Variants in GALNT9 observed in about 807,000 individuals in gnomAD.
GALNT9 encodes polypeptide N-acetylgalactosaminyltransferase 9.
In GALNT9, 47 loss-of-function variants were observed where a neutral mutation model predicts 63.1. That is an observed-to-expected ratio of 0.75 (90% CI 0.59 to 0.95). GALNT9 has a LOEUF of 0.95. Ranked by LOEUF, GALNT9 falls within the 40% of genes least tolerant of loss-of-function variation. The probability of loss-of-function intolerance (pLI) is 0.00; values close to 1 mark genes in which losing one functional copy is unlikely to be tolerated. For synonymous variants in GALNT9, 396 were observed against 365.7 expected, an observed-to-expected ratio of 1.08 and a Z score of -0.94; for missense variants, 829 against 874.8, an observed-to-expected ratio of 0.95 and a Z score of 0.66.
chr12:132,269,598 T>A (rs1879791326), intron 2 of GALNT9, among the ~76,000 whole-genome samples: 1 of 152,172 alleles, frequency 6.6e-6, no homozygotes, highest in Non-Finnish European at 1.5e-5. Flanking sequence ...GCTGGGCCCA[T>A]GGTCAGACAT....
chr12:132,328,854 C>T, intron 1 of GALNT9, 112 bp downstream of exon 1: 1 of 1,280,368 alleles, frequency 7.8e-7, no homozygotes, highest in Non-Finnish European at 1.0e-6. Context: ...TATATTCCCT[C>T]CCACAGGGGC....
chr12:132,265,589 C>A lies in GALNT9; in HGVS notation c.420-2964G>T, dbSNP rs891283709. Among the ~76,000 whole-genome samples the A allele has an allele frequency of 6.6e-6, 1 of 152,206 alleles. No individual in the cohort carries two copies. The highest frequency in any genetic ancestry group is 2.4e-5 in the African/African-American group (1 of 41,454). On this transcript the variant is annotated intron_variant, in intron 2 of 10. Transcript: ENST00000328957. The surrounding 1 kb of genome is among the most constrained non-coding windows in gnomAD (Gnocchi z 5.3). Reference sequence around the variant, plus strand: ...TGAAGCCCCCGGGCCCCTTTTGCAGCAGGCTTCGCAAGGTAAGCAGCCCCA... The same window carrying A: ...TGAAGCCCCCGGGCCCCTTTTGCAGAAGGCTTCGCAAGGTAAGCAGCCCCA...
chr12:132,296,450 T>A lies in GALNT9; in HGVS notation c.239-10020A>T, dbSNP rs747169987. ...TGGGCTGCGTGATATCAATCCCAAG[T>A]TTTCCTCTTTGAAATCCCAGCTTCC... On this transcript the variant is annotated intron_variant, in intron 1 of 10. Transcript: ENST00000328957. This position sits in a 1 kb window ranked among gnomAD's most constrained non-coding sequence, Gnocchi z 4.2. Among the ~76,000 whole-genome samples, 25 of 152,204 alleles carry A rather than the reference T, an allele frequency of 1.6e-4. No homozygotes were observed. Among genetic ancestry groups the A allele is most frequent in the Non-Finnish European group, 3.5e-4 (24 of 68,022 alleles).
chr12:132,197,963 G>A lies in GALNT9; in HGVS notation c.1498-4C>T, dbSNP rs1245248294. On this transcript the variant is annotated splice_polypyrimidine_tract_variant and splice_region_variant and intron_variant, in intron 9 of 10. Transcript: ENST00000328957. The stretch of plus-strand genomic sequence containing the variant: ...CATCAGCGCTGTACCGCACCAGCTG[G>A]GGACAGGACCACCGGGACTGTGTGT... 1 of 1,604,202 alleles carries A rather than the reference G, an allele frequency of 6.2e-7. No homozygotes were observed. The highest frequency in any genetic ancestry group is 1.3e-5 in the African/African-American group (1 of 74,902).
intron 1 of GALNT9, among the ~76,000 whole-genome samples, chr12:132,287,386 C>T (rs1456155246): frequency 1.3e-5 from 2 of 152,174 alleles, no homozygotes; most frequent in Admixed American, 6.5e-5. Flanking sequence ...GTATTTTAAA[C>T]GCCATGCCGC....
intron 6 of GALNT9, chr12:132,240,852 ACCCCCTTCC>A (rs1878266645): frequency 2.7e-6 from 1 of 367,336 alleles, no homozygotes; most frequent in African/African-American, 2.4e-5. Flanking sequence ...CACACACCAC[ACCCCCTTCC>A]CAGGGCCGTC....
intron 6 of GALNT9, among the ~76,000 whole-genome samples, chr12:132,228,123 C>CT (rs1481802642): frequency 1.3e-5 from 2 of 152,124 alleles, no homozygotes; most frequent in African/African-American, 4.8e-5. Flanking sequence ...CCACCTGTGG[C>CT]TGGAACAAGC....
At chr12:132,201,478 C>T (rs1366636871) in intron 7 of GALNT9, among the ~76,000 whole-genome samples, 2 of 152,158 alleles carry the variant, frequency 1.3e-5, no homozygotes, top group Admixed American at 1.3e-4. Context: ...AGGACCCTGC[C>T]AGAGGCCAGC....
chr12:132,245,831 T>C lies in GALNT9; in HGVS notation c.1077+2079A>G, dbSNP rs999282795. Among the ~76,000 whole-genome samples, 15 of 152,220 alleles carry C rather than the reference T, an allele frequency of 9.9e-5. No individual in the cohort carries two copies. Among genetic ancestry groups the C allele is most frequent in the African/African-American group, 3.4e-4 (14 of 41,466 alleles). ...AGGGGAGGTGGGCGTGTTTCTCCCC[T>C]GGGCCCTTCCTGCTGAGGCGACTTG... On this transcript the variant is annotated intron_variant, in intron 6 of 10. Transcript: ENST00000328957. The surrounding 1 kb of genome is among the most constrained non-coding windows in gnomAD (Gnocchi z 6.3).
intron 1 of GALNT9, among the ~76,000 whole-genome samples, chr12:132,324,166 C>G (rs1312341300): frequency 2.6e-5 from 4 of 152,204 alleles, no homozygotes; most frequent in African/African-American, 7.2e-5. Context: ...TTACGCAGAG[C>G]AGAGCAGACG....
intron 1 of GALNT9, among the ~76,000 whole-genome samples, chr12:132,328,125 C>T (rs553582033): frequency 2.3e-4 from 35 of 152,340 alleles, no homozygotes; most frequent in African/African-American, 6.3e-4. Context: ...GCCTTGGGGG[C>T]GGCTGCTCCT....
rs1422849817 is a variant in GALNT9 at position 132,238,348 on chromosome 12, C to A, written c.1077+9562G>T. Among the ~76,000 whole-genome samples the A allele has an allele frequency of 6.6e-6, 1 of 151,540 alleles. No homozygotes were observed. Among genetic ancestry groups the A allele is most frequent in the Non-Finnish European group, 1.5e-5 (1 of 67,866 alleles). The stretch of plus-strand genomic sequence containing the variant: ...GAGGGGGACAGAGCTGGATGGGGGG[C>A]TTCAGGAGGGGCCGGGCAGGGGGAC... On this transcript the variant is annotated intron_variant, in intron 6 of 10. Coordinates refer to ENST00000328957, the MANE Select transcript of GALNT9 (RefSeq NM_001122636.2). The surrounding 1 kb of genome is among the most constrained non-coding windows in gnomAD (Gnocchi z 6.5).
At chr12:132,313,789 C>T (rs1555245428) in intron 1 of GALNT9, among the ~76,000 whole-genome samples, 4 of 137,228 alleles carry the variant, frequency 2.9e-5, no homozygotes, top group South Asian at 2.6e-4. Context: ...CATACATCCA[C>T]CCATCCACCC....
chr12:132,300,561 C>T (rs1210210909), intron 1 of GALNT9, among the ~76,000 whole-genome samples: 2 of 141,420 alleles, frequency 1.4e-5, no homozygotes, highest in Non-Finnish European at 3.0e-5. Context: ...TCACCCACTC[C>T]CACCACACCT....
At chr12:132,199,485 G>A (rs968320096) in intron 8 of GALNT9, among the ~76,000 whole-genome samples, 10 of 152,138 alleles carry the variant, frequency 6.6e-5, no homozygotes, top group African/African-American at 1.9e-4. Context: ...ATGCACAGAT[G>A]GAGACTTGGC....
At chr12:132,302,237 C>CACACACACACACAT (rs1881324190) in intron 1 of GALNT9, among the ~76,000 whole-genome samples, 1 of 144,656 alleles carries the variant, frequency 6.9e-6, no homozygotes, top group African/African-American at 2.5e-5. Context: ...TCTACACACA[C>CACACACACACACAT]ACACACACAC....
intron 1 of GALNT9, among the ~76,000 whole-genome samples, chr12:132,320,751 T>C (rs1868747594): frequency 6.7e-6 from 1 of 149,374 alleles, no homozygotes; most frequent in Admixed American, 6.7e-5. Context: ...GCCCTCGGGG[T>C]TGGAGAATCA....
intron 6 of GALNT9, chr12:132,240,578 C>G (rs2136898711): frequency 4.2e-5 from 19 of 454,262 alleles, no homozygotes; most frequent in Non-Finnish European, 8.0e-5. Flanking sequence ...GTGCGTGGCC[C>G]CGGGGCTCGG....
rs887481663 is a variant in GALNT9, at chr12:132,229,500, C to G, written c.1077+18410G>C. 1.3e-3 allele frequency among the ~76,000 whole-genome samples: 197 copies of G among 152,370 alleles called. 1 individual carries two copies. Among genetic ancestry groups the G allele is most frequent in the African/African-American group, 4.4e-3 (182 of 41,596 alleles). On this transcript the variant is annotated intron_variant, in intron 6 of 10. Transcript: ENST00000328957. Reference sequence around the variant, plus strand: ...TGACTTATCTGTTCATTCACTAATGCCCCAGACACCGACCACACCCCGCGG... The same window carrying G: ...TGACTTATCTGTTCATTCACTAATGGCCCAGACACCGACCACACCCCGCGG...
Sources: gnomAD v4.1 joint callset for allele counts (sites outside exome capture counted in the v4.1 genomes callset) on GRCh38, gnomAD v4.1.1 for gene constraint, Gnocchi (gnomAD v3.1) non-coding constraint, MANE v1.5 for transcripts, NCBI Gene and HGNC (gene_info 2026-07-23, HGNC 2026-07-21) for gene names.